The following ULK4 variants were observed in gnomAD, a reference collection of about 807,000 sequenced individuals.
The protein encoded by ULK4 is inactive serine/threonine-protein kinase ULK4.
A neutral mutation model predicts 160.6 loss-of-function variants in ULK4; 133 were observed. That is an observed-to-expected ratio of 0.83 (90% confidence interval 0.72 to 0.96). ULK4 has a LOEUF of 0.96. Ranked by LOEUF, ULK4 falls within the 40% of genes least tolerant of loss-of-function variation. The probability of loss-of-function intolerance (pLI) is 0.00; values close to 1 mark genes in which losing one functional copy is unlikely to be tolerated. For synonymous variants in ULK4, 534 were observed against 539.8 expected, an observed-to-expected ratio of 0.99 and a Z score of 0.15; for missense variants, 1,580 against 1,499.5, an observed-to-expected ratio of 1.05 and a Z score of -0.89.
chr3:41,427,737 C>T (rs2125843106), intron 34 of ULK4, among the ~76,000 whole-genome samples: 1 of 152,270 alleles, frequency 6.6e-6, no homozygotes, highest in East Asian at 1.9e-4. Flanking sequence ...ATGCTAAAAA[C>T]TCTCAATAAA....
chr3:41,663,989 G>A (rs1272019062), intron 29 of ULK4, among the ~76,000 whole-genome samples: 1 of 152,092 alleles, frequency 6.6e-6, no homozygotes, highest in East Asian at 1.9e-4. Flanking sequence ...ATACCATAAG[G>A]TACAAGCATC....
At chr3:41,328,928 A>G (rs1190515338) in intron 35 of ULK4, among the ~76,000 whole-genome samples, 1 of 152,226 alleles carries the variant, frequency 6.6e-6, no homozygotes, top group Non-Finnish European at 1.5e-5. Context: ...TTTTTACTAA[A>G]TTAACAAATA....
At chr3:41,817,586 G>A (rs115684350) in intron 19 of ULK4, among the ~76,000 whole-genome samples, 1,905 of 152,166 alleles carry the variant, frequency 0.013, 36 homozygotes, top group African/African-American at 0.041. Flanking sequence ...CACATGGACA[G>A]AAAGAAGGAA....
At chr3:41,822,913 C>T (rs111465678) in intron 18 of ULK4, among the ~76,000 whole-genome samples, 9 of 150,982 alleles carry the variant, frequency 6.0e-5, no homozygotes, top group African/African-American at 1.2e-4. Context: ...TAGAAGAGAC[C>T]GGTTTTCACC....
chr3:41,507,908 C>G (rs777392461), intron 32 of ULK4, among the ~76,000 whole-genome samples: 8 of 152,164 alleles, frequency 5.3e-5, no homozygotes, highest in Non-Finnish European at 8.8e-5. Context: ...ACTACCACAG[C>G]AACATACCAG....
chr3:41,494,851 T>C (rs2084927514), intron 32 of ULK4, among the ~76,000 whole-genome samples: 1 of 151,852 alleles, frequency 6.6e-6, no homozygotes, highest in African/African-American at 2.4e-5. Context: ...GAGAATAAAA[T>C]ACTTAGGAAT....
intron 35 of ULK4, among the ~76,000 whole-genome samples, chr3:41,385,113 T>C (rs953141452): frequency 1.3e-5 from 2 of 152,190 alleles, no homozygotes; most frequent in African/African-American, 4.8e-5. Flanking sequence ...ATTTTCTTAG[T>C]TGTGATAATG....
chr3:41,958,155 A>G (rs763296302), intron 1 of ULK4, among the ~76,000 whole-genome samples: 24 of 152,074 alleles, frequency 1.6e-4, no homozygotes, highest in Non-Finnish European at 2.9e-4. Context: ...AGATATTTGT[A>G]CCCCACATAT....
intron 16 of ULK4, among the ~76,000 whole-genome samples, chr3:41,889,701 A>G (rs1488370923): frequency 6.6e-6 from 1 of 152,256 alleles, no homozygotes; most frequent in Non-Finnish European, 1.5e-5. Context: ...AGTATAAGAA[A>G]GAGAGTTTGG....
At position 41,485,466 on chromosome 3, in the gene ULK4, G is replaced by A. The variant is rs566650772; in HGVS notation, c.3227-22213C>T. Among the ~76,000 whole-genome samples, 3 of 152,292 alleles carry A rather than the reference G, an allele frequency of 2.0e-5. No homozygotes were observed. In the South Asian group the frequency reaches 6.2e-4, roughly 32 times the overall value. ...TAAGAAGGGAGAGAAAATTGTTATG[G>A]CAGCAAGAAATTCTACCTTGAAAAT... On this transcript the variant is annotated intron_variant, in intron 32 of 36. Coordinates refer to ENST00000301831, the MANE Select transcript of ULK4 (RefSeq NM_017886.4).
chr3:41,484,124 C>T (rs1399025067), intron 32 of ULK4, among the ~76,000 whole-genome samples: 3 of 152,140 alleles, frequency 2.0e-5, no homozygotes, highest in Non-Finnish European at 4.4e-5. Context: ...AAGTCTTCAG[C>T]CACTGTTCCT....
chr3:41,314,114 A>G lies in ULK4; in HGVS notation c.3679-64540T>C, dbSNP rs77159919. On this transcript the variant is annotated intron_variant, in intron 35 of 36. Transcript: ENST00000301831. ...GATGTCCTGTGGAGCAGAGGAATAG[A>G]GACAAGTTGACTTCACTGAGCCCAA... Among the ~76,000 whole-genome samples the G allele has an allele frequency of 4.0e-3, 605 of 152,318 alleles. 3 individuals carry two copies. The highest frequency in any genetic ancestry group is 0.016 in the East Asian group (81 of 5,192).
chr3:41,892,516 A>G (rs1054327392), intron 16 of ULK4, among the ~76,000 whole-genome samples: 4 of 152,256 alleles, frequency 2.6e-5, no homozygotes, highest in African/African-American at 9.6e-5. Context: ...TTCAGCCTTA[A>G]AAAGGAATGA....
intron 17 of ULK4, among the ~76,000 whole-genome samples, chr3:41,860,893 TTTG>T (rs1306714202): frequency 3.3e-5 from 5 of 152,002 alleles, no homozygotes; most frequent in South Asian, 4.1e-4. Flanking sequence ...TATGTGTTTT[TTTG>T]TTGTTGTTTG....
At chr3:41,295,791 G>A (rs978193542) in intron 35 of ULK4, among the ~76,000 whole-genome samples, 3 of 152,192 alleles carry the variant, frequency 2.0e-5, no homozygotes, top group African/African-American at 7.2e-5. Context: ...TGCTAGCAAG[G>A]ATGCAGAGCA....
At chr3:41,324,099 C>A (rs1487243145) in intron 35 of ULK4, among the ~76,000 whole-genome samples, 2 of 152,172 alleles carry the variant, frequency 1.3e-5, no homozygotes, top group South Asian at 2.1e-4. Flanking sequence ...TCAGCTGGGG[C>A]CTTAGCATCA....
intron 35 of ULK4, among the ~76,000 whole-genome samples, chr3:41,347,262 A>G (rs959772013): frequency 6.6e-6 from 1 of 152,238 alleles, no homozygotes; most frequent in East Asian, 1.9e-4. Flanking sequence ...TGTCATGTGT[A>G]TATTGCTTTT....
intron 22 of ULK4, among the ~76,000 whole-genome samples, chr3:41,740,763 G>A (rs572569335): frequency 1.3e-5 from 2 of 152,056 alleles, no homozygotes; most frequent in South Asian, 4.1e-4. Flanking sequence ...GATTTGTTCA[G>A]GACTCCAGTT....
At chr3:41,901,252 T>C (rs1162196304) in intron 12 of ULK4, among the ~76,000 whole-genome samples, 1 of 148,464 alleles carries the variant, frequency 6.7e-6, no homozygotes, top group Non-Finnish European at 1.5e-5. Flanking sequence ...TGATCTCGGC[T>C]CACTACAAGC....
Sources: gnomAD v4.1 joint callset for allele counts (sites outside exome capture counted in the v4.1 genomes callset) on GRCh38, gnomAD v4.1.1 for gene constraint, MANE v1.5 for transcripts, NCBI Gene and HGNC (gene_info 2026-07-23, HGNC 2026-07-21) for gene names.